The following RIPOR2 variants were observed in gnomAD, a reference collection of about 807,000 sequenced individuals.
The protein encoded by RIPOR2 is rho family-interacting cell polarization regulator 2.
In RIPOR2, 39 loss-of-function variants were observed where a neutral mutation model predicts 114.5. The ratio of observed to expected loss-of-function variants is 0.34; its 90% CI spans 0.26 to 0.44. The LOEUF (loss-of-function observed/expected upper bound fraction) is 0.44, where lower values mean the gene tolerates loss of function less well. RIPOR2 is among the 20% of genes least tolerant of loss of function. The pLI, the probability that RIPOR2 is intolerant of heterozygous loss-of-function variation, is 1.00. For synonymous variants in RIPOR2, 445 were observed against 484.4 expected, an observed-to-expected ratio of 0.92 and a Z score of 1.07; for missense variants, 1,007 against 1,255.1, an observed-to-expected ratio of 0.80 and a Z score of 2.99.
intron 1 of RIPOR2, among the ~76,000 whole-genome samples, chr6:24,991,402 C>T (rs899600749): frequency 3.3e-5 from 5 of 152,046 alleles, no homozygotes; most frequent in Admixed American, 1.3e-4. Flanking sequence ...TTCTGTTGTG[C>T]GACTTCTTGG....
At chr6:24,924,107 T>C (rs529242129) in intron 1 of RIPOR2, among the ~76,000 whole-genome samples, 25 of 152,308 alleles carry the variant, frequency 1.6e-4, no homozygotes, top group Admixed American at 1.6e-3. Context: ...CATGGGGCAG[T>C]GGGCAAGAGC....
upstream of RIPOR2, chr6:24,936,093 G>C (rs1184607733): frequency 9.1e-6 from 5 of 548,006 alleles, no homozygotes; most frequent in Non-Finnish European, 1.6e-5. Flanking sequence ...AATCCCAGGT[G>C]GGGTAATTCT....
chr6:25,027,203 T>G (rs937160277), intron 1 of RIPOR2, among the ~76,000 whole-genome samples: 1 of 152,234 alleles, frequency 6.6e-6, no homozygotes, highest in Non-Finnish European at 1.5e-5. Flanking sequence ...ACGTGCATTA[T>G]CTTACTTAAT....
At chr6:24,935,781 G>C in intron 1 of RIPOR2, 57 bp downstream of exon 1, 2 of 1,242,744 alleles carry the variant, frequency 1.6e-6, no homozygotes, top group Non-Finnish European at 1.1e-6. Flanking sequence ...AGTGTCCAGT[G>C]GTGTCAAAAC....
At chr6:24,991,801 G>T (rs1022344909) in intron 1 of RIPOR2, among the ~76,000 whole-genome samples, 44 of 152,162 alleles carry the variant, frequency 2.9e-4, no homozygotes, top group African/African-American at 1.0e-3. Flanking sequence ...GCCTCCTAGA[G>T]ACAGCTGGTC....
intron 11 of RIPOR2, 134 bp downstream of exon 11, chr6:24,849,667 TC>T: frequency 2.6e-6 from 2 of 762,792 alleles, no homozygotes; most frequent in Non-Finnish European, 4.3e-6. Context: ...GACACAGTAG[TC>T]CTGGGGTGGG....
chr6:24,917,578 G>A (rs1770174902), intron 1 of RIPOR2, among the ~76,000 whole-genome samples: 1 of 152,018 alleles, frequency 6.6e-6, no homozygotes, highest in Admixed American at 6.5e-5. Flanking sequence ...CACCCAGGCT[G>A]GAGTGCAATG....
rs188772092 is a variant in RIPOR2, at chr6:24,999,432, C to T, written c.76+42419G>A. Among the ~76,000 whole-genome samples the T allele has an allele frequency of 4.0e-3, 608 of 152,296 alleles. 2 individuals are homozygous for T. Among genetic ancestry groups the T allele is most frequent in the Non-Finnish European group, 6.8e-3 (465 of 68,020 alleles). The stretch of plus-strand genomic sequence containing the variant: ...CACCCCTTGCTTTGGTTAAAGAAAC[C>T]CATGAAGGTAGCAACCCCAAACCCC... On this transcript the variant is annotated intron_variant, in intron 1 of 13. Transcript: ENST00000510784.
At chr6:24,905,886 C>G (rs1768942325) in intron 1 of RIPOR2, among the ~76,000 whole-genome samples, 1 of 152,146 alleles carries the variant, frequency 6.6e-6, no homozygotes, top group Admixed American at 6.5e-5. Flanking sequence ...AGGAGACAAG[C>G]TTGAAGAGAA....
At chr6:24,974,748 T>G (rs1773957613) in intron 1 of RIPOR2, among the ~76,000 whole-genome samples, 1 of 152,202 alleles carries the variant, frequency 6.6e-6, no homozygotes, top group Non-Finnish European at 1.5e-5. Flanking sequence ...TGGAAACAAC[T>G]GTTCATCAAC....
At chr6:24,893,406 T>C (rs1420046947) in intron 1 of RIPOR2, among the ~76,000 whole-genome samples, 1 of 152,188 alleles carries the variant, frequency 6.6e-6, no homozygotes, top group African/African-American at 2.4e-5. Flanking sequence ...TGGAGCACTT[T>C]AGGACACAGT....
intron 9 of RIPOR2, among the ~76,000 whole-genome samples, chr6:24,851,954 T>C (rs947057405): frequency 2.6e-4 from 38 of 146,218 alleles, no homozygotes; most frequent in African/African-American, 9.6e-4. Flanking sequence ...TGCATCTTGC[T>C]CTAAAATGGT....
chr6:25,033,301 T>C (rs907687244), intron 1 of RIPOR2, among the ~76,000 whole-genome samples: 8 of 152,364 alleles, frequency 5.3e-5, no homozygotes, highest in African/African-American at 1.9e-4. Context: ...TTAACATCAT[T>C]GTTTATTTGA....
chr6:24,844,402 A>G (rs1177132914), intron 12 of RIPOR2, among the ~76,000 whole-genome samples: 1 of 152,062 alleles, frequency 6.6e-6, no homozygotes, highest in Non-Finnish European at 1.5e-5. Flanking sequence ...TAATGCCTAA[A>G]TGCCAAATGC....
At chr6:24,950,765 A>G (rs1270579304) in intron 1 of RIPOR2, among the ~76,000 whole-genome samples, 1 of 146,894 alleles carries the variant, frequency 6.8e-6, no homozygotes, top group East Asian at 1.9e-4. Flanking sequence ...ATTCATTTAA[A>G]CAAGCCTAAA....
intron 1 of RIPOR2, among the ~76,000 whole-genome samples, chr6:25,002,407 T>G (rs1276976239): frequency 6.6e-6 from 1 of 152,252 alleles, no homozygotes; most frequent in Non-Finnish European, 1.5e-5. Context: ...TGGTATGTAT[T>G]TCTTCATTGT....
intron 13 of RIPOR2, chr6:24,840,879 G>A: frequency 9.0e-7 from 1 of 1,104,990 alleles, no homozygotes; most frequent in Non-Finnish European, 1.3e-6. Context: ...ACACTCACTA[G>A]TGATGTTTTC....
intron 1 of RIPOR2, among the ~76,000 whole-genome samples, chr6:24,949,238 A>G (rs2114196868): frequency 6.6e-6 from 1 of 152,298 alleles, no homozygotes; most frequent in South Asian, 2.1e-4. Context: ...AGGAGAAAGC[A>G]AGAAGATAGA....
chr6:24,860,542 G>A (rs969498611), intron 8 of RIPOR2, among the ~76,000 whole-genome samples: 2 of 152,194 alleles, frequency 1.3e-5, no homozygotes, highest in African/African-American at 2.4e-5. Flanking sequence ...ACTTGGCATC[G>A]TGGTTATGTA....
Sources: gnomAD v4.1 joint callset for allele counts (sites outside exome capture counted in the v4.1 genomes callset) on GRCh38, gnomAD v4.1.1 for gene constraint, MANE v1.5 for transcripts, NCBI Gene and HGNC (gene_info 2026-07-23, HGNC 2026-07-21) for gene names.